The following HOXA4 variants were observed in gnomAD, a reference collection of about 807,000 sequenced individuals.
HOXA4 encodes homeobox protein Hox-A4.
HOXA4 carries 31 observed loss-of-function variants against 25.3 expected under a neutral mutation model. That is an observed-to-expected ratio of 1.22 (90% CI 0.92 to 1.65). The LOEUF (loss-of-function observed/expected upper bound fraction) is 1.65, where lower values mean the gene tolerates loss of function less well. HOXA4 is among the 40% of genes most tolerant of loss of function. HOXA4 has a pLI of 0.00. For synonymous variants in HOXA4, 225 were observed against 207.7 expected (o/e 1.08, Z -0.72); for missense variants, 459 against 446.0 (o/e 1.03, Z -0.26).
rs1562722087 is a variant in HOXA4, at chr7:27,129,469, A to G, written c.719T>C (p.Leu240Pro). Reference protein sequence around the residue: ...LEKEFHFNRYLTRRRRIEIAH... With the variant: ...LEKEFHFNRYPTRRRRIEIAH... Reference sequence around the variant, plus strand: ...GATCTCGATGCGGCGCCGCCGGGTCAGGTATCGATTGAAGTGGAACTCCTT... The same window carrying G: ...GATCTCGATGCGGCGCCGCCGGGTCGGGTATCGATTGAAGTGGAACTCCTT... Residue 240 changes from leucine (L) to proline (P), a missense_variant, in exon 2 of 2, where the codon CTG becomes CCG. Leu to Pro is a moderately conservative substitution (Grantham distance 98). Transcript: ENST00000360046. 2 of 1,614,066 alleles carry G rather than the reference A, an allele frequency of 1.2e-6. No individual in the cohort carries two copies. The highest frequency in any genetic ancestry group is 2.7e-5 in the African/African-American group (2 of 74,924).
Position 27,128,677 on chromosome 7 carries a change from T to A in HOXA4, c.*548A>T. 3 of 168,864 alleles carry A rather than the reference T, an allele frequency of 1.8e-5. No homozygotes were observed. Among genetic ancestry groups the A allele is most frequent in the East Asian group, 1.5e-4 (1 of 6,664 alleles). 10.5% of individuals were successfully genotyped at this position (168,864 alleles called of 1,614,324 possible). ...AGTATCTCTGTAACAGTGTCTTAAA[T>A]AAATGCAAGTAAGAAAAACTAACAT... On this transcript the variant is annotated 3_prime_UTR_variant, in exon 2 of 2. Coordinates refer to ENST00000360046, the MANE Select transcript of HOXA4 (RefSeq NM_002141.5).
chr7:27,130,415 C>T lies in HOXA4; in HGVS notation c.319G>A (p.Gly107Ser), dbSNP rs1416460786. ...TGGGGCGGCCGCCCGGGGCTGGCGC[C>T]GCCGCGGTAGCCATAGGGGTAGGCG... Reference protein sequence around the residue: ...DTAYPYGYRGGASPGRPPQPE... With the variant: ...DTAYPYGYRGSASPGRPPQPE... The change falls in exon 1 of 2, where the codon GGC (glycine) becomes AGC (serine). Residue 107 changes from glycine to serine, a missense_variant. Transcript: ENST00000360046. 63 of 1,173,924 alleles carry T rather than the reference C, an allele frequency of 5.4e-5. No homozygotes were observed. Among genetic ancestry groups the T allele is most frequent in the South Asian group, 1.2e-4 (3 of 24,160 alleles). The allele number at this position is 1,173,924 out of a possible 1,614,324, so 72.7% of individuals were successfully genotyped here.
In HOXA4 at chr7:27,130,464, G is replaced by A. The variant is rs775325420; in HGVS notation, c.270C>T (p.Tyr90=). ...REPAYPAAAL[Y]PAHGAADTAY... ...CGGTGTCCGCGGCCCCATGCGCGGGGTACAGCGCGGCAGCAGGGTAGGCGG... is the reference window on the plus strand; with the variant it reads ...CGGTGTCCGCGGCCCCATGCGCGGGATACAGCGCGGCAGCAGGGTAGGCGG... The change falls in exon 1 of 2, where the codon TAC becomes TAT. Residue 90 remains tyrosine (Y), a synonymous_variant. Transcript: ENST00000360046. 15 of 1,248,206 alleles carry A rather than the reference G, an allele frequency of 1.2e-5. No individual in the cohort carries two copies. The South Asian group carries it at 4.1e-4, about 34-fold the overall frequency. The allele number at this position is 1,248,206 out of a possible 1,614,324, so 77.3% of individuals were successfully genotyped here. A position where few individuals can be genotyped will look rare whatever the true frequency, so the allele number is the denominator to read the frequency against.
At chr7:27,129,983 TCA>T in intron 1 of HOXA4, 133 bp downstream of exon 1, 1 of 1,033,398 alleles carries the variant, frequency 9.7e-7, no homozygotes, top group Non-Finnish European at 1.4e-6. Flanking sequence ...TACCCACATC[TCA>T]CCGCAGCCCG....
chr7:27,130,242 TGGGGTGGC>T lies in HOXA4; in HGVS notation c.484_491del (p.Ala162ArgfsTer43), dbSNP rs753777562. 2.9e-5 allele frequency: 38 copies of T among 1,303,462 alleles called. No homozygotes were observed. Among genetic ancestry groups the T allele is most frequent in the Non-Finnish European group, 3.5e-5 (36 of 1,023,512 alleles). 80.7% of individuals were successfully genotyped at this position (1,303,462 alleles called of 1,614,324 possible). ...GGGCGCTGCCCCCTGCCGGGACGCC[TGGGGTGGC>T]GGGGGCCGCCTCGCAGCGCCGCGGG... On this transcript the variant is annotated frameshift_variant, in exon 1 of 2. Coordinates refer to ENST00000360046, the MANE Select transcript of HOXA4 (RefSeq NM_002141.5). LOFTEE classifies it high-confidence loss of function.
rs1418021571 is a variant in HOXA4, at chr7:27,129,315, G to C, written c.873C>G (p.Ala291=). 2 of 1,614,036 alleles carry C rather than the reference G, an allele frequency of 1.2e-6. No individual in the cohort carries two copies. Among genetic ancestry groups the C allele is most frequent in the Non-Finnish European group, 1.7e-6 (2 of 1,180,048 alleles). Residue 291 remains alanine, a synonymous_variant, in exon 2 of 2, where the codon GCC becomes GCG. Coordinates refer to ENST00000360046, the MANE Select transcript of HOXA4 (RefSeq NM_002141.5). ...GAGTTTGTGCTTTCCCTGGTGGGCC[G>C]GCAGAGGCCGAGGCCGAATTGGAGG... ...MRSSNSASAS[A]GPPGKAQTQS...
chr7:27,130,753 A>C lies in HOXA4; in HGVS notation c.-20T>G, dbSNP rs776457786. The stretch of plus-strand genomic sequence containing the variant: ...GGTCATTAATTTGTGAAGTGCAAAA[A>C]TACTAATTTTTCTCGCGTTGTCGTT... On this transcript the variant is annotated 5_prime_UTR_variant, in exon 1 of 2. Coordinates refer to ENST00000360046, the MANE Select transcript of HOXA4 (RefSeq NM_002141.5). The C allele has an allele frequency of 1.5e-5, 24 of 1,597,498 alleles. No individual in the cohort carries two copies. In the Admixed American group the frequency reaches 3.9e-4, roughly 26 times the overall value.
intron 1 of HOXA4, 113 bp downstream of exon 1, chr7:27,130,005 G>T: frequency 7.9e-7 from 1 of 1,258,634 alleles, no homozygotes; most frequent in Non-Finnish European, 1.1e-6. Flanking sequence ...GGGTCAGATG[G>T]GGGCTCCCCT....
chr7:27,128,972 C>T lies in HOXA4; in HGVS notation c.*253G>A, dbSNP rs774811205. 23 of 564,496 alleles carry T rather than the reference C, an allele frequency of 4.1e-5. No individual in the cohort carries two copies. The highest frequency in any genetic ancestry group is 7.5e-5 in the African/African-American group (4 of 53,238). The allele number at this position is 564,496 out of a possible 1,614,324, so 35.0% of individuals were successfully genotyped here. A position where few individuals can be genotyped will look rare whatever the true frequency, so the allele number is the denominator to read the frequency against. ...CCAAGTAGTCCTTCTCAGGTATCCA[C>T]ACCTGGCAGCCTTGTTTCGGGCCAG... On this transcript the variant is annotated 3_prime_UTR_variant, in exon 2 of 2. Coordinates refer to ENST00000360046, the MANE Select transcript of HOXA4 (RefSeq NM_002141.5).
Position 27,129,555 on chromosome 7 carries a change from G to T in HOXA4, c.633C>A (p.Asn211Lys), listed in dbSNP as rs531770438. Residue 211 changes from asparagine to lysine, a missense_variant, in exon 2 of 2, where the codon AAC becomes AAA. By Grantham distance (94) the Asn-to-Lys change is moderately conservative (BLOSUM62 0). Coordinates refer to ENST00000360046, the MANE Select transcript of HOXA4 (RefSeq NM_002141.5). Reference sequence around the variant, plus strand: ...TTCGAGAGCGCTTAGGCTCCCCTCCGTTATAACTGGGGTTAACTGAAAACC... The same window carrying T: ...TTCGAGAGCGCTTAGGCTCCCCTCCTTTATAACTGGGGTTAACTGAAAACC... ...IHVSAVNPSY[N>K]GGEPKRSRTA... 3 of 1,613,312 alleles carry T rather than the reference G, an allele frequency of 1.9e-6. No individual in the cohort carries two copies. The highest frequency in any genetic ancestry group is 1.3e-5 in the African/African-American group (1 of 74,970).
In HOXA4 at chr7:27,129,520, G is replaced by C. The variant is rs1208260985; in HGVS notation, c.668C>G (p.Thr223Ser). The change falls in exon 2 of 2, where the codon ACC (threonine) becomes AGC (serine). Residue 223 changes from threonine to serine, a missense_variant. Transcript: ENST00000360046. ...CTCCAGCTCCAAGACCTGCTGCCGG[G>C]TGTAGGCGGTTCGAGAGCGCTTAGG... is the stretch of plus-strand genomic sequence containing the variant. Reference protein sequence around the residue: ...GEPKRSRTAYTRQQVLELEKE... With the variant: ...GEPKRSRTAYSRQQVLELEKE... 1 of 1,613,996 alleles carries C rather than the reference G, an allele frequency of 6.2e-7. No individual in the cohort carries two copies. The highest frequency in any genetic ancestry group is 1.3e-5 in the African/African-American group (1 of 74,914).
chr7:27,128,818 G>A lies in HOXA4; in HGVS notation c.*407C>T, dbSNP rs1186533496. 3 of 229,012 alleles carry A rather than the reference G, an allele frequency of 1.3e-5. No individual in the cohort carries two copies. Among genetic ancestry groups the A allele is most frequent in the South Asian group, 7.9e-5 (1 of 12,690 alleles). The allele number at this position is 229,012 out of a possible 1,614,324, so 14.2% of individuals were successfully genotyped here. On this transcript the variant is annotated 3_prime_UTR_variant, in exon 2 of 2. Coordinates refer to ENST00000360046, the MANE Select transcript of HOXA4 (RefSeq NM_002141.5). ...GCTTGGATGAGCTGCCTTAATGGGG[G>A]AAGAGGAGGTAAGGAAGGTGGGGAA...
In HOXA4 at chr7:27,129,306, T is replaced by C; in HGVS notation, c.882A>G (p.Pro294=). The stretch of plus-strand genomic sequence containing the variant: ...GTGGGCTCTGAGTTTGTGCTTTCCC[T>C]GGTGGGCCGGCAGAGGCCGAGGCCG... The part of the protein sequence containing the change: ...SNSASASAGP[P]GKAQTQSPHL... Residue 294 remains proline (P), a synonymous_variant, in exon 2 of 2, where the codon CCA becomes CCG. Transcript: ENST00000360046. 1 of 1,614,060 alleles carries C rather than the reference T, an allele frequency of 6.2e-7. No individual in the cohort carries two copies. Among genetic ancestry groups the C allele is most frequent in the Non-Finnish European group, 8.5e-7 (1 of 1,180,018 alleles).
rs1785473996 is a variant in HOXA4, at chr7:27,130,289, C to A, written c.445G>T (p.Val149Leu). The A allele has an allele frequency of 1.8e-6, 2 of 1,095,686 alleles. No individual in the cohort carries two copies. 67.9% of individuals were successfully genotyped at this position (1,095,686 alleles called of 1,614,324 possible). A position where few individuals can be genotyped will look rare whatever the true frequency, so the allele number is the denominator to read the frequency against. Residue 149 changes from valine to leucine, a missense_variant, in exon 1 of 2, where the codon GTG (valine) becomes TTG (leucine). Transcript: ENST00000360046. Reference sequence around the variant, plus strand: ...CAGCGCCGCGGGGCCGCTGGGGGCACGGCGCGAGGCTGCAGGGGCGGCGGC... The same window carrying A: ...CAGCGCCGCGGGGCCGCTGGGGGCAAGGCGCGAGGCTGCAGGGGCGGCGGC... ...QLPPPLQPRA[V>L]PPAAPRRCEA...
At chr7:27,129,767 C>A (rs1323147608) in intron 1 of HOXA4, among the ~76,000 whole-genome samples, 196 bp from the exon 2 acceptor site, 1 of 152,172 alleles carries the variant, frequency 6.6e-6, no homozygotes, top group Non-Finnish European at 1.5e-5. Flanking sequence ...GGGAAACACC[C>A]GAGAGCCATA....
Position 27,130,742 on chromosome 7 carries a change from G to T in HOXA4, c.-9C>A. 3.7e-6 allele frequency: 6 copies of T among 1,602,302 alleles called. No individual in the cohort carries two copies. Among genetic ancestry groups the T allele is most frequent in the Non-Finnish European group, 5.1e-6 (6 of 1,173,880 alleles). On this transcript the variant is annotated 5_prime_UTR_variant, in exon 1 of 2. Coordinates refer to ENST00000360046, the MANE Select transcript of HOXA4 (RefSeq NM_002141.5). ...AACGAGCTCATGGTCATTAATTTGT[G>T]AAGTGCAAAAATACTAATTTTTCTC...
chr7:27,129,195 G>T lies in HOXA4; in HGVS notation c.*30C>A, dbSNP rs368828818. On this transcript the variant is annotated 3_prime_UTR_variant, in exon 2 of 2. Coordinates refer to ENST00000360046, the MANE Select transcript of HOXA4 (RefSeq NM_002141.5). ...AGAAGAGAAGAGAAAAGCAGGTAAG[G>T]GATAGAAACTGGTTAAGATCTCTAG... The T allele has an allele frequency of 2.4e-6, 3 of 1,248,736 alleles. No individual in the cohort carries two copies. Among genetic ancestry groups the T allele is most frequent in the Non-Finnish European group, 3.5e-6 (3 of 846,880 alleles). 77.4% of individuals were successfully genotyped at this position (1,248,736 alleles called of 1,614,324 possible). A position where few individuals can be genotyped will look rare whatever the true frequency, so the allele number is the denominator to read the frequency against.
At position 27,130,293 on chromosome 7, in the gene HOXA4, G is replaced by A. The variant is rs1276292293; in HGVS notation, c.441C>T (p.Arg147=). The change falls in exon 1 of 2, where the codon CGC becomes CGT. Residue 147 remains arginine (R), a synonymous_variant. Transcript: ENST00000360046. ...GCCGCGGGGCCGCTGGGGGCACGGC[G>A]CGAGGCTGCAGGGGCGGCGGCAGCT... ...QPQLPPPLQP[R]AVPPAAPRRC... is the part of the protein sequence containing the mutation. The A allele has an allele frequency of 9.1e-7, 1 of 1,095,302 alleles. No individual in the cohort carries two copies. The highest frequency in any genetic ancestry group is 1.1e-6 in the Non-Finnish European group (1 of 901,218). The allele number at this position is 1,095,302 out of a possible 1,614,324, so 67.8% of individuals were successfully genotyped here.
At chr7:27,129,988 G>T in intron 1 of HOXA4, 130 bp downstream of exon 1, 3 of 1,096,310 alleles carry the variant, frequency 2.7e-6, no homozygotes, top group East Asian at 5.4e-5. Context: ...ACATCTCACC[G>T]CAGCCCGGGT....
Sources: gnomAD v4.1 joint callset for allele counts (sites outside exome capture counted in the v4.1 genomes callset) on GRCh38, gnomAD v4.1.1 for gene constraint, MANE v1.5 for transcripts, NCBI Gene and HGNC (gene_info 2026-07-23, HGNC 2026-07-21) for gene names.